Variants in TNIK observed in about 807,000 individuals in gnomAD.
TNIK encodes TRAF2 and NCK-interacting protein kinase.
TNIK carries 49 observed loss-of-function variants against 191.3 expected under a neutral mutation model. The observed-to-expected ratio is 0.26, with a 90% CI of 0.20 to 0.32. TNIK has a LOEUF of 0.32. TNIK is among the 10% of genes least tolerant of loss of function. The pLI, the probability that TNIK is intolerant of heterozygous loss-of-function variation, is 1.00. For missense variants in TNIK, 1,155 were observed against 1,702.3 expected (o/e 0.68, Z 5.66); for synonymous variants, 594 against 600.9 (o/e 0.99, Z 0.17).
intron 1 of TNIK, among the ~76,000 whole-genome samples, chr3:171,385,185 C>T (rs927314432): frequency 6.6e-6 from 1 of 152,092 alleles, no homozygotes; most frequent in African/African-American, 2.4e-5. Flanking sequence ...GGACAAGTAG[C>T]TCTGCCTTCT....
intron 15 of TNIK, among the ~76,000 whole-genome samples, chr3:171,136,442 T>C (rs13087431): frequency 1.3e-5 from 2 of 152,048 alleles, no homozygotes; most frequent in Non-Finnish European, 2.9e-5. Context: ...AACTCTCGAG[T>C]TGGGCTACAT....
intron 2 of TNIK, among the ~76,000 whole-genome samples, chr3:171,357,478 G>C (rs535129807): frequency 6.6e-6 from 1 of 151,702 alleles, no homozygotes; most frequent in African/African-American, 2.4e-5. Flanking sequence ...TAGCAGAGAC[G>C]GGGTTTTGCC....
chr3:171,417,896 A>G lies in TNIK; in HGVS notation c.57+42111T>C, dbSNP rs569840126. On this transcript the variant is annotated intron_variant, in intron 1 of 32. Coordinates refer to ENST00000436636, the MANE Select transcript of TNIK (RefSeq NM_015028.4). ...TCCAGATAGACTTCAGCCAGTGGGA[A>G]ACAATATACGAAGCATCTTTATTTC... 1.6e-4 allele frequency among the ~76,000 whole-genome samples: 24 copies of G among 152,302 alleles called. No individual in the cohort carries two copies. In the East Asian group the frequency reaches 4.6e-3, roughly 29 times the overall value.
intron 1 of TNIK, among the ~76,000 whole-genome samples, chr3:171,434,451 ATTTATT>A (rs1258721304): frequency 6.6e-6 from 1 of 150,888 alleles, no homozygotes; most frequent in African/African-American, 2.4e-5. Context: ...TTACTTATTT[ATTTATT>A]TATTTATTTA....
chr3:171,275,693 A>C (rs533096576), intron 2 of TNIK, among the ~76,000 whole-genome samples: 2 of 151,930 alleles, frequency 1.3e-5, no homozygotes, highest in South Asian at 4.1e-4. Context: ...ACAGGAGATC[A>C]AGACCATCCT....
intron 21 of TNIK, among the ~76,000 whole-genome samples, chr3:171,102,887 T>TGTTG (rs1438851725): frequency 6.6e-6 from 1 of 152,188 alleles, no homozygotes; most frequent in Admixed American, 6.5e-5. Flanking sequence ...AATTATAATT[T>TGTTG]TATTTTGAGA....
intron 4 of TNIK, among the ~76,000 whole-genome samples, chr3:171,206,613 T>C (rs1328299707): frequency 6.6e-6 from 1 of 152,124 alleles, no homozygotes. Context: ...CCAGGGGGCT[T>C]TCACAGAACT....
At chr3:171,441,360 C>T (rs1373026676) in intron 1 of TNIK, among the ~76,000 whole-genome samples, 5 of 152,192 alleles carry the variant, frequency 3.3e-5, no homozygotes, top group African/African-American at 7.2e-5. Flanking sequence ...TTTCTACCTC[C>T]GTAGATTTGC....
At chr3:171,346,761 G>A (rs781408854) in intron 2 of TNIK, among the ~76,000 whole-genome samples, 8 of 152,084 alleles carry the variant, frequency 5.3e-5, no homozygotes, top group East Asian at 3.8e-4. Flanking sequence ...GAGGCAGGAG[G>A]AAGCAAATTA....
At chr3:171,135,565 T>C (rs1330810436) in intron 15 of TNIK, among the ~76,000 whole-genome samples, 1 of 152,186 alleles carries the variant, frequency 6.6e-6, no homozygotes, top group Non-Finnish European at 1.5e-5. Context: ...GGAAGCTGGA[T>C]TATGTTAACC....
intron 1 of TNIK, among the ~76,000 whole-genome samples, chr3:171,418,369 G>A (rs1320049392): frequency 1.3e-5 from 2 of 152,076 alleles, no homozygotes; most frequent in Admixed American, 1.3e-4. Context: ...GAAAATGTAT[G>A]TACACATAAA....
At chr3:171,399,002 C>T (rs1047555987) in intron 1 of TNIK, among the ~76,000 whole-genome samples, 2 of 152,164 alleles carry the variant, frequency 1.3e-5, no homozygotes, top group East Asian at 3.9e-4. Context: ...TAGGTCACTT[C>T]TCTGTCTTCT....
intron 1 of TNIK, among the ~76,000 whole-genome samples, chr3:171,389,893 C>G (rs995298144): frequency 6.6e-6 from 1 of 152,192 alleles, no homozygotes; most frequent in Non-Finnish European, 1.5e-5. Context: ...CCTGGAGAAG[C>G]CCCTTGTTTC....
intron 2 of TNIK, among the ~76,000 whole-genome samples, chr3:171,254,352 G>T (rs1365011190): frequency 1.3e-5 from 2 of 152,194 alleles, no homozygotes; most frequent in East Asian, 1.9e-4. Context: ...ACAAGATGAA[G>T]GAATGATCAA....
chr3:171,352,022 T>C (rs1713289995), intron 2 of TNIK, among the ~76,000 whole-genome samples: 1 of 152,184 alleles, frequency 6.6e-6, no homozygotes, highest in Non-Finnish European at 1.5e-5. Context: ...AATGGGCATA[T>C]AAATCACCTG....
At chr3:171,256,095 C>G (rs186740236) in intron 2 of TNIK, among the ~76,000 whole-genome samples, 26 of 151,402 alleles carry the variant, frequency 1.7e-4, no homozygotes, top group Non-Finnish European at 3.4e-4. Context: ...CAGCTCCCAA[C>G]AAGGAAAAAA....
chr3:171,291,122 C>T (rs1751634197), intron 2 of TNIK, among the ~76,000 whole-genome samples: 1 of 152,172 alleles, frequency 6.6e-6, no homozygotes, highest in African/African-American at 2.4e-5. Flanking sequence ...AGAAAACGTG[C>T]AAACCTTAAC....
intron 2 of TNIK, among the ~76,000 whole-genome samples, chr3:171,252,665 AT>A (rs1381939166): frequency 6.6e-6 from 1 of 152,228 alleles, no homozygotes; most frequent in African/African-American, 2.4e-5. Context: ...ATTGCATAGC[AT>A]TGGTTCTTTG....
At chr3:171,273,220 T>G (rs1749339838) in intron 2 of TNIK, among the ~76,000 whole-genome samples, 1 of 152,198 alleles carries the variant, frequency 6.6e-6, no homozygotes, top group Non-Finnish European at 1.5e-5. Context: ...CTCAAAAGTC[T>G]AAAGCCTGGA....
Sources: allele counts gnomAD v4.1 joint callset (sites outside exome capture counted in the v4.1 genomes callset), GRCh38; gene constraint gnomAD v4.1.1; transcripts MANE v1.5; gene names NCBI Gene and HGNC (gene_info 2026-07-23, HGNC 2026-07-21).